Variants in CD72 observed in about 807,000 individuals in gnomAD.
CD72 encodes B-cell differentiation antigen CD72.
A neutral mutation model predicts 50.7 loss-of-function variants in CD72; 28 were observed. The ratio of observed to expected loss-of-function variants is 0.55; its 90% CI spans 0.41 to 0.76. The LOEUF (loss-of-function observed/expected upper bound fraction) is 0.76. Ranked by LOEUF, CD72 falls within the 30% of genes least tolerant of loss-of-function variation. The pLI is 0.00. For missense variants in CD72, 403 were observed against 420.6 expected (o/e 0.96, Z 0.37); for synonymous variants, 176 against 171.2 (o/e 1.03, Z -0.22).
intron 1 of CD72, among the ~76,000 whole-genome samples, chr9:35,627,181 G>A (rs1243360558): frequency 1.3e-5 from 2 of 148,194 alleles, no homozygotes; most frequent in Non-Finnish European, 3.0e-5. Flanking sequence ...TGCCCAGGCT[G>A]GAGTGCAATC....
chr9:35,616,528 G>T, intron 4 of CD72, 72 bp downstream of exon 4: 1 of 1,245,332 alleles, frequency 8.0e-7, no homozygotes, highest in Non-Finnish European at 1.2e-6. Flanking sequence ...TGCTGAGGAA[G>T]ATCAGCTTTG....
chr9:35,617,810 A>C (rs1329519181), intron 2 of CD72, among the ~76,000 whole-genome samples: 1 of 152,208 alleles, frequency 6.6e-6, no homozygotes, highest in Non-Finnish European at 1.5e-5. Flanking sequence ...GCACGCCTGC[A>C]ATCCCAACAC....
At chr9:35,617,071 G>A in intron 3 of CD72, 105 bp downstream of exon 3, 1 of 1,499,916 alleles carries the variant, frequency 6.7e-7, no homozygotes, top group Admixed American at 2.4e-5. Context: ...GACTGCGCCC[G>A]GGTTTATCCC....
chr9:35,623,126 T>C (rs1359541945), upstream of CD72, among the ~76,000 whole-genome samples: 1 of 151,888 alleles, frequency 6.6e-6, no homozygotes, highest in Non-Finnish European at 1.5e-5. Flanking sequence ...GAATCAAAAT[T>C]AAAATAAAAA....
chr9:35,611,682 C>G, intron 7 of CD72, 122 bp downstream of exon 7: 1 of 616,506 alleles, frequency 1.6e-6, no homozygotes, highest in Non-Finnish European at 2.9e-6. Context: ...GACAAATAGG[C>G]AATTACAGTG....
Position 35,617,198 on chromosome 9 carries a change from TG to T in CD72, c.239del (p.Pro80GlnfsTer28). The T allele has an allele frequency of 6.4e-7, 1 of 1,568,854 alleles. No homozygotes were observed. The highest frequency in any genetic ancestry group is 8.6e-7 in the Non-Finnish European group (1 of 1,156,426). On this transcript the variant is annotated frameshift_variant, in exon 3 of 9. Transcript: ENST00000259633. LOFTEE classifies it high-confidence loss of function. Reference protein sequence around the residue: ...PTASWRAVTSPAVGRILPCRT... With the variant: ...PTASWRAVTSXAVGRILPCRT... ...CACAGGGGAGAATCCGCCCGACAGC[TG>T]GTGACGTCACGGCTCTCCAGGACGC... is the stretch of plus-strand genomic sequence containing the variant.
At chr9:35,639,686 C>A (rs913888650) in intron 1 of CD72, among the ~76,000 whole-genome samples, 25 of 152,282 alleles carry the variant, frequency 1.6e-4, no homozygotes, top group African/African-American at 6.0e-4. Flanking sequence ...TTAGTTTGAG[C>A]AGAATTATGT....
chr9:35,610,755 TA>T lies in CD72; in HGVS notation c.951-3del. ...CATTTTGAGCTTTGAGCATAAGTCC[TA>T]AAAAGTAGTAAGGTAGAGCTGGGAT... On this transcript the variant is annotated splice_region_variant and splice_polypyrimidine_tract_variant and intron_variant, in intron 7 of 8. Coordinates refer to ENST00000259633, the MANE Select transcript of CD72 (RefSeq NM_001782.3). 1 of 1,610,004 alleles carries T rather than the reference TA, an allele frequency of 6.2e-7. No individual in the cohort carries two copies. Among genetic ancestry groups the T allele is most frequent in the Non-Finnish European group, 8.5e-7 (1 of 1,177,922 alleles).
chr9:35,618,490 A>G, upstream of CD72: 1 of 1,405,674 alleles, frequency 7.1e-7, no homozygotes, highest in Non-Finnish European at 9.7e-7. Context: ...GATGGGCTCA[A>G]TGAAGCAGAA....
intron 1 of CD72, among the ~76,000 whole-genome samples, chr9:35,636,331 C>T (rs1823289660): frequency 6.6e-6 from 1 of 152,028 alleles, no homozygotes; most frequent in East Asian, 1.9e-4. Flanking sequence ...TTTTTAACCA[C>T]GTGCACATTA....
At chr9:35,619,985 A>T (rs1823129915), upstream of CD72, among the ~76,000 whole-genome samples, 1 of 132,488 alleles carries the variant, frequency 7.5e-6, no homozygotes, top group African/African-American at 2.8e-5. Flanking sequence ...AGAGAGTGGT[A>T]TGTGGTGGTG....
chr9:35,618,585 G>A, upstream of CD72: 1 of 682,318 alleles, frequency 1.5e-6, no homozygotes, highest in Non-Finnish European at 2.4e-6. Flanking sequence ...CTGTCCCCAT[G>A]TCCTCCCTGT....
At chr9:35,623,959 G>C (rs1036327313), upstream of CD72, among the ~76,000 whole-genome samples, 2 of 151,420 alleles carry the variant, frequency 1.3e-5, no homozygotes, top group African/African-American at 2.4e-5. Flanking sequence ...GCCAGGCCCA[G>C]TGGCTCACGC....
chr9:35,642,734 T>C (rs1277817538), intron 1 of CD72: 3 of 152,190 alleles, frequency 2.0e-5, no homozygotes, highest in African/African-American at 7.2e-5. Flanking sequence ...CCTTAATTAG[T>C]GTATATAATG....
At position 35,618,227 on chromosome 9, in the gene CD72, C is replaced by T; in HGVS notation, c.77G>A (p.Gly26Glu). 6 of 1,614,098 alleles carry T rather than the reference C, an allele frequency of 3.7e-6. No individual in the cohort carries two copies. Among genetic ancestry groups the T allele is most frequent in the Non-Finnish European group, 5.1e-6 (6 of 1,179,958 alleles). Residue 26 changes from glycine (G) to glutamate (E), a missense_variant, in exon 1 of 9, where the codon GGA (glycine) becomes GAA (glutamate). Physicochemically the swap from Gly to Glu is moderately conservative, Grantham distance 98. Transcript: ENST00000259633. ...PLKKSISSRL[G>E]QDPGADDDGE... Reference sequence around the variant, plus strand: ...GGAGGCCTCATCCCCCTTACCCTGTCCTAACCGGCTGGAGATGCTCTTCTT... The same window carrying T: ...GGAGGCCTCATCCCCCTTACCCTGTTCTAACCGGCTGGAGATGCTCTTCTT...
intron 1 of CD72, among the ~76,000 whole-genome samples, chr9:35,624,727 AT>A (rs1194538101): frequency 6.6e-6 from 1 of 152,118 alleles, no homozygotes; most frequent in African/African-American, 2.4e-5. Flanking sequence ...TACTGGTGCC[AT>A]TTTCCAACAG....
At chr9:35,613,077 A>G in intron 5 of CD72, 84 bp from the exon 6 acceptor site, 1 of 1,191,260 alleles carries the variant, frequency 8.4e-7, no homozygotes, top group Non-Finnish European at 1.2e-6. Context: ...ATATTCCCCC[A>G]GAGCTAATCT....
chr9:35,640,730 C>T (rs973654483), intron 1 of CD72, among the ~76,000 whole-genome samples: 10 of 152,070 alleles, frequency 6.6e-5, no homozygotes, highest in Non-Finnish European at 1.5e-4. Flanking sequence ...CAGCTCGAGC[C>T]GTAACAAACA....
At chr9:35,618,642 C>T (rs1823106352), upstream of CD72, 1 of 642,148 alleles carries the variant, frequency 1.6e-6, no homozygotes, top group Non-Finnish European at 2.4e-6. Context: ...TGCTGGGCCC[C>T]AAACTCGGTC....
Sources: allele counts gnomAD v4.1 joint callset (sites outside exome capture counted in the v4.1 genomes callset), GRCh38; gene constraint gnomAD v4.1.1; transcripts MANE v1.5; gene names NCBI Gene and HGNC (gene_info 2026-07-23, HGNC 2026-07-21).